PTK2: variants seen among roughly 807,000 people sequenced by gnomAD.
PTK2 encodes protein tyrosine kinase 2.
Under a neutral mutation model 150.1 loss-of-function variants are expected in PTK2, and 45 were observed. The ratio of observed to expected loss-of-function variants is 0.30; its 90% CI spans 0.24 to 0.38. The LOEUF (loss-of-function observed/expected upper bound fraction) is 0.38, where lower values mean the gene tolerates loss of function less well. Ranked by LOEUF, PTK2 falls within the 10% of genes least tolerant of loss-of-function variation. The pLI is 1.00. For synonymous variants in PTK2, 432 were observed against 449.2 expected (o/e 0.96, Z 0.48); for missense variants, 919 against 1,307.3 (o/e 0.70, Z 4.58).
chr8:140,987,155 C>T (rs967259053), intron 1 of PTK2, among the ~76,000 whole-genome samples: 15 of 152,020 alleles, frequency 9.9e-5, no homozygotes, highest in African/African-American at 3.4e-4. Flanking sequence ...ACTCTCAAAA[C>T]CCAAAAAAAT....
chr8:140,666,353 A>G (rs1477223484), intron 30 of PTK2, among the ~76,000 whole-genome samples: 4 of 152,152 alleles, frequency 2.6e-5, no homozygotes, highest in Admixed American at 2.0e-4. Flanking sequence ...CTCAAACAAA[A>G]CAAAACAAAA....
At chr8:140,965,774 G>A (rs764892942) in intron 1 of PTK2, among the ~76,000 whole-genome samples, 3 of 152,188 alleles carry the variant, frequency 2.0e-5, no homozygotes, top group Non-Finnish European at 4.4e-5. Context: ...CTACTTGGGA[G>A]GCTGAGACAG....
intron 1 of PTK2, among the ~76,000 whole-genome samples, chr8:140,943,586 A>G (rs2100176613): frequency 6.6e-6 from 1 of 152,226 alleles, no homozygotes; most frequent in African/African-American, 2.4e-5. Context: ...TTGAGTAAAT[A>G]TTTAGAAGTA....
At chr8:140,883,530 T>C (rs1433851609) in intron 3 of PTK2, among the ~76,000 whole-genome samples, 1 of 152,198 alleles carries the variant, frequency 6.6e-6, no homozygotes, top group Non-Finnish European at 1.5e-5. Context: ...TCTTCTATAG[T>C]ATAGTGTTTC....
intron 17 of PTK2, 142 bp from the exon 21 acceptor site, chr8:140,747,002 T>C (rs2100059281): frequency 3.4e-6 from 2 of 580,310 alleles, no homozygotes; most frequent in East Asian, 3.1e-5. Flanking sequence ...GTGATTCTCC[T>C]GCCTCAGCCT....
intron 2 of PTK2, among the ~76,000 whole-genome samples, chr8:140,897,898 C>T (rs913961111): frequency 2.0e-5 from 3 of 152,162 alleles, no homozygotes; most frequent in Non-Finnish European, 2.9e-5. Context: ...TCTGTTTCTG[C>T]GGCCAATTAC....
At chr8:140,733,641 C>T (rs926615102) in intron 22 of PTK2, among the ~76,000 whole-genome samples, 1 of 152,032 alleles carries the variant, frequency 6.6e-6, no homozygotes, top group African/African-American at 2.4e-5. Context: ...CAAAAGCCAG[C>T]TGTAAAGGTG....
At chr8:140,752,783 C>T (rs2100063539) in intron 16 of PTK2, among the ~76,000 whole-genome samples, 1 of 152,202 alleles carries the variant, frequency 6.6e-6, no homozygotes, top group Non-Finnish European at 1.5e-5. Context: ...TGAGGGGGAC[C>T]TCACTGAGCA....
At chr8:140,877,759 T>A (rs2100146541) in intron 4 of PTK2, among the ~76,000 whole-genome samples, 1 of 152,016 alleles carries the variant, frequency 6.6e-6, no homozygotes, top group Non-Finnish European at 1.5e-5. Flanking sequence ...CACCTAAATT[T>A]TTCTTCCTTT....
At chr8:140,675,403 A>C (rs752476445) in intron 28 of PTK2, 57 bp downstream of exon 31, 67 of 1,572,006 alleles carry the variant, frequency 4.3e-5, no homozygotes, top group Non-Finnish European at 5.8e-5. Context: ...ATACATTCAA[A>C]ACCTGCTTTC....
rs79106699 is a variant in PTK2, at chr8:140,861,204, C to T, written c.450+3108G>A. 8.7e-4 allele frequency among the ~76,000 whole-genome samples: 133 copies of T among 152,026 alleles called. 1 individual carries two copies. In the East Asian group the frequency reaches 0.025, roughly 28 times the overall value. On this transcript the variant is annotated intron_variant, in intron 5 of 31. Coordinates refer to ENST00000522684, the Ensembl canonical transcript of PTK2. ...CTACAAAAGACTTTTTAAAAATTAG[C>T]GAGGCATCATGGCACGCACCTGTAG...
chr8:140,693,143 G>C lies in PTK2; in HGVS notation c.2500-6449C>G, dbSNP rs145076393. On this transcript the variant is annotated intron_variant, in intron 26 of 31. Transcript: ENST00000522684. ...AAAGAAAGCTCTTTCAACCAACTGA[G>C]GTTCTAACTAAGGTTGCCAGCAATC... Among the ~76,000 whole-genome samples the C allele has an allele frequency of 7.1e-4, 108 of 152,248 alleles. 1 individual carries two copies. The highest frequency in any genetic ancestry group is 1.2e-3 in the Non-Finnish European group (80 of 68,022).
chr8:140,789,787 T>C (rs1461454516), intron 13 of PTK2, among the ~76,000 whole-genome samples: 2 of 152,140 alleles, frequency 1.3e-5, no homozygotes, highest in African/African-American at 2.4e-5. Context: ...TGCAATACAA[T>C]TTAATCTGGT....
intron 1 of PTK2, among the ~76,000 whole-genome samples, chr8:140,953,990 C>A (rs1464786818): frequency 1.4e-5 from 2 of 147,988 alleles, no homozygotes; most frequent in African/African-American, 5.0e-5. Flanking sequence ...TTTTTTGAAA[C>A]AGGGTCTTGC....
chr8:140,922,938 C>T (rs975495252), intron 2 of PTK2, among the ~76,000 whole-genome samples: 3 of 152,020 alleles, frequency 2.0e-5, no homozygotes, highest in Non-Finnish European at 4.4e-5. Flanking sequence ...GTGGTGTAAG[C>T]ACAGGGTGGT....
At chr8:140,871,788 A>T (rs1358240180) in intron 4 of PTK2, among the ~76,000 whole-genome samples, 1 of 152,294 alleles carries the variant, frequency 6.6e-6, no homozygotes, top group South Asian at 2.1e-4. Context: ...CTAAGAAAGG[A>T]GGACTACTTG....
At chr8:140,965,255 C>T (rs953178125) in intron 1 of PTK2, among the ~76,000 whole-genome samples, 3 of 152,176 alleles carry the variant, frequency 2.0e-5, no homozygotes, top group African/African-American at 7.2e-5. Context: ...TGTCAGTTTA[C>T]AGAGCAACTT....
At chr8:140,784,089 T>C (rs2100083442) in intron 14 of PTK2, among the ~76,000 whole-genome samples, 1 of 152,110 alleles carries the variant, frequency 6.6e-6, no homozygotes, top group Non-Finnish European at 1.5e-5. Context: ...GGCTTGAACC[T>C]GGGAGGCGGA....
At chr8:140,821,042 A>G (rs978953414) in intron 8 of PTK2, 3 of 152,328 alleles carry the variant, frequency 2.0e-5, no homozygotes, top group African/African-American at 7.2e-5. Context: ...GATACTACAG[A>G]AAGTGAGCTG....
Sources: allele counts gnomAD v4.1 joint callset (sites outside exome capture counted in the v4.1 genomes callset), GRCh38; gene constraint gnomAD v4.1.1; transcripts MANE v1.5; gene names NCBI Gene and HGNC (gene_info 2026-07-23, HGNC 2026-07-21).